The following PCDH15 variants were observed in gnomAD, a reference collection of about 807,000 sequenced individuals.
PCDH15 encodes protocadherin-15.
In PCDH15, 129 loss-of-function variants were observed where a neutral mutation model predicts 178.5. The ratio of observed to expected loss-of-function variants is 0.72; its 90% CI spans 0.63 to 0.84. PCDH15 has a LOEUF of 0.84. PCDH15 is among the 40% of genes least tolerant of loss of function. The probability of loss-of-function intolerance (pLI) is 0.00; values close to 1 mark genes in which losing one functional copy is unlikely to be tolerated. For missense variants in PCDH15, 2,230 were observed against 2,099.9 expected, an observed-to-expected ratio of 1.06 and a Z score of -1.21; for synonymous variants, 800 against 732.0, an observed-to-expected ratio of 1.09 and a Z score of -1.50.
intron 2 of PCDH15, among the ~76,000 whole-genome samples, chr10:54,554,378 T>C (rs907392107): frequency 3.3e-5 from 5 of 152,196 alleles, no homozygotes; most frequent in Admixed American, 3.3e-4. Flanking sequence ...TTTAGAATCA[T>C]TCTAACAACA....
At chr10:55,585,405 G>A (rs1842706899) in intron 2 of PCDH15, among the ~76,000 whole-genome samples, 1 of 152,136 alleles carries the variant, frequency 6.6e-6, no homozygotes, top group East Asian at 1.9e-4. Flanking sequence ...CTGGCCGGGC[G>A]CGTTGGCTCA....
chr10:55,493,066 C>T (rs1157075990), intron 2 of PCDH15, among the ~76,000 whole-genome samples: 2 of 151,478 alleles, frequency 1.3e-5, no homozygotes, highest in Non-Finnish European at 2.9e-5. Flanking sequence ...ATGCGGTATA[C>T]CAGTAAGTGT....
At chr10:55,219,693 G>A (rs1041263859) in intron 1 of PCDH15, among the ~76,000 whole-genome samples, 1 of 151,760 alleles carries the variant, frequency 6.6e-6, no homozygotes, top group Non-Finnish European at 1.5e-5. Flanking sequence ...AATAATTTGA[G>A]AAGATAACAT....
At chr10:53,971,628 T>G (rs1009340685) in intron 21 of PCDH15, among the ~76,000 whole-genome samples, 3 of 152,082 alleles carry the variant, frequency 2.0e-5, no homozygotes, top group Non-Finnish European at 4.4e-5. Context: ...ATCACAAGCA[T>G]TCCTATACAC....
chr10:55,590,160 A>G (rs1187173632), intron 2 of PCDH15, among the ~76,000 whole-genome samples: 6 of 151,764 alleles, frequency 4.0e-5, no homozygotes, highest in African/African-American at 1.2e-4. Flanking sequence ...CATGTCCTTT[A>G]TAGGGACATG....
chr10:54,518,709 T>G lies in PCDH15; in HGVS notation c.157+9103A>C, dbSNP rs558890574. Among the ~76,000 whole-genome samples the G allele has an allele frequency of 1.1e-4, 17 of 152,326 alleles. No homozygotes were observed. In the South Asian group the frequency reaches 1.9e-3, roughly 17 times the overall value. ...AGAGGGAATCCTCCCTAACTCATTT[T>G]ATGAGGCCAGCATCATCCTGATACC... is the stretch of plus-strand genomic sequence containing the variant. On this transcript the variant is annotated intron_variant, in intron 3 of 37. Coordinates refer to ENST00000644397, the MANE Select transcript of PCDH15 (RefSeq NM_001384140.1).
intron 1 of PCDH15, among the ~76,000 whole-genome samples, chr10:55,189,566 T>C (rs1025620833): frequency 6.6e-6 from 1 of 151,856 alleles, no homozygotes; most frequent in African/African-American, 2.4e-5. Context: ...CTTGATTTTG[T>C]TTTGAGGTGA....
At position 54,201,612 on chromosome 10, in the gene PCDH15, GGAA is replaced by G. The variant is rs553988327; in HGVS notation, c.1099-5726_1099-5724del. The stretch of plus-strand genomic sequence containing the variant: ...AAATTTCGGACAATCCCTGGTATAT[GGAA>G]GAAGGTCAAATATATATTTATTTTT... On this transcript the variant is annotated intron_variant, in intron 10 of 37. Coordinates refer to ENST00000644397, the MANE Select transcript of PCDH15 (RefSeq NM_001384140.1). 2.3e-3 allele frequency among the ~76,000 whole-genome samples: 351 copies of G among 152,058 alleles called. 2 individuals are homozygous for G. Among genetic ancestry groups the G allele is most frequent in the African/African-American group, 8.1e-3 (336 of 41,476 alleles).
At chr10:54,693,524 T>C (rs934018638) in intron 1 of PCDH15, among the ~76,000 whole-genome samples, 3 of 152,184 alleles carry the variant, frequency 2.0e-5, no homozygotes, top group Non-Finnish European at 1.5e-5. Flanking sequence ...GAATTAAAAG[T>C]GAAGCAGAAA....
intron 1 of PCDH15, among the ~76,000 whole-genome samples, chr10:54,777,293 T>A (rs1033109410): frequency 1.3e-5 from 2 of 152,176 alleles, no homozygotes; most frequent in African/African-American, 4.8e-5. Flanking sequence ...AGGGTGCGGA[T>A]GTGTACTTGA....
chr10:54,920,468 CAA>C (rs71014429), intron 2 of PCDH15, among the ~76,000 whole-genome samples: 1,564 of 57,566 alleles, frequency 0.027, 17 homozygotes, highest in African/African-American at 0.091. Context: ...GACTGTGTCT[CAA>C]AAAAAAAAAA....
At chr10:55,308,815 A>G (rs745835294) in intron 1 of PCDH15, among the ~76,000 whole-genome samples, 4 of 152,210 alleles carry the variant, frequency 2.6e-5, no homozygotes, top group Admixed American at 6.5e-5. Context: ...CCACATTGCT[A>G]AAGACTTTTG....
intron 2 of PCDH15, among the ~76,000 whole-genome samples, chr10:55,451,821 C>A (rs1431672813): frequency 3.3e-5 from 5 of 152,138 alleles, no homozygotes; most frequent in Non-Finnish European, 5.9e-5. Context: ...ACCTATTTAT[C>A]TAACTATGTT....
At chr10:53,816,644 T>C (rs2076069437) in intron 34 of PCDH15, among the ~76,000 whole-genome samples, 1 of 152,210 alleles carries the variant, frequency 6.6e-6, no homozygotes, top group Non-Finnish European at 1.5e-5. Flanking sequence ...AAGTTTAACC[T>C]TGTTTTAAGT....
At chr10:54,363,251 G>C (rs893755078) in intron 5 of PCDH15, among the ~76,000 whole-genome samples, 34 of 152,030 alleles carry the variant, frequency 2.2e-4, no homozygotes, top group African/African-American at 8.2e-4. Context: ...GCAGATAAGT[G>C]GTATAAAGAT....
At chr10:55,326,612 A>G (rs781589703) in intron 2 of PCDH15, among the ~76,000 whole-genome samples, 2 of 152,302 alleles carry the variant, frequency 1.3e-5, no homozygotes, top group South Asian at 2.1e-4. Context: ...ATAGTAAGTC[A>G]TATTTTAAAA....
chr10:55,474,769 C>T (rs972515498), intron 2 of PCDH15, among the ~76,000 whole-genome samples: 1 of 152,006 alleles, frequency 6.6e-6, no homozygotes, highest in African/African-American at 2.4e-5. Flanking sequence ...AGACTTAAGT[C>T]CAAATAAGAT....
chr10:54,300,763 G>A (rs527368129), intron 8 of PCDH15, among the ~76,000 whole-genome samples: 22 of 152,146 alleles, frequency 1.4e-4, no homozygotes, highest in South Asian at 4.2e-4. Context: ...TGGTAAAATC[G>A]CACCAATCAG....
intron 2 of PCDH15, among the ~76,000 whole-genome samples, chr10:55,148,559 C>T (rs772551563): frequency 6.6e-6 from 1 of 151,822 alleles, no homozygotes; most frequent in Non-Finnish European, 1.5e-5. Flanking sequence ...CCCATGATTT[C>T]ATCGTGGCTG....
Sources: allele counts gnomAD v4.1 joint callset (sites outside exome capture counted in the v4.1 genomes callset), GRCh38; gene constraint gnomAD v4.1.1; transcripts MANE v1.5; gene names NCBI Gene and HGNC (gene_info 2026-07-23, HGNC 2026-07-21).